The following TMEM237 variants were observed in gnomAD, a reference collection of about 807,000 sequenced individuals.
TMEM237 encodes transmembrane protein 237, also known as amyotrophic lateral sclerosis 2 (juvenile) chromosome region, candidate 4.
In TMEM237, 51 loss-of-function variants were observed where a neutral mutation model predicts 59.1. That is an observed-to-expected ratio of 0.86 (90% CI 0.69 to 1.09). The LOEUF is 1.09. Ranked by LOEUF, TMEM237 falls within the 50% of genes least tolerant of loss-of-function variation. The probability of loss-of-function intolerance (pLI) is 0.00; values close to 1 mark genes in which losing one functional copy is unlikely to be tolerated. For missense variants in TMEM237, 475 were observed against 478.3 expected (o/e 0.99, Z 0.06); for synonymous variants, 140 against 166.1 (o/e 0.84, Z 1.21).
At position 201,625,999 on chromosome 2, in the gene TMEM237, T is replaced by A. The variant is rs755985117; in HGVS notation, c.1159+27A>T. On this transcript the variant is annotated intron_variant, in intron 12 of 12. Coordinates refer to ENST00000409883, the MANE Select transcript of TMEM237 (RefSeq NM_001044385.3). ...ACCATTATAGAAGATTTCAGGATAT[T>A]CTTATGCTATTTTTTTTCTTTAATA... 3.2e-6 allele frequency: 5 copies of A among 1,552,686 alleles called. No homozygotes were observed. In the South Asian group the frequency reaches 6.0e-5, roughly 19 times the overall value.
chr2:201,625,961 G>T, intron 12 of TMEM237, 65 bp downstream of exon 12: 2 of 1,456,196 alleles, frequency 1.4e-6, no homozygotes, highest in Non-Finnish European at 1.9e-6. Flanking sequence ...CCTATTAAAA[G>T]GAGGTTTATA....
chr2:201,643,352 C>A lies in TMEM237; in HGVS notation c.42+7G>T, dbSNP rs1289460476. 6.5e-6 allele frequency: 10 copies of A among 1,547,046 alleles called. No homozygotes were observed. The South Asian group carries it at 1.2e-4, about 18-fold the overall frequency. On this transcript the variant is annotated splice_region_variant and intron_variant, in intron 1 of 12. Coordinates refer to ENST00000409883, the MANE Select transcript of TMEM237 (RefSeq NM_001044385.3). The surrounding 1 kb of genome is among the most constrained non-coding windows in gnomAD (Gnocchi z 4.3). ...CTCTCGAGGCCGACGCGCCCCTCGC[C>A]GCTCACCAGGTGGCCCTCCTCCAGC...
In TMEM237 at chr2:201,643,386, C is replaced by G. The variant is rs879874108; in HGVS notation, c.15G>C (p.Ser5=). ...GGTGGCCCTCCTCCAGCCGAGCCCC[C>G]GAGTCAGTCCTCATGGTGCTCTCCC... The part of the protein sequence containing the change: MRTD[S]GARLEEGHLR... Residue 5 remains serine, a synonymous_variant, in exon 1 of 13, where the codon TCG becomes TCC. Transcript: ENST00000409883. The surrounding 1 kb of genome is among the most constrained non-coding windows in gnomAD (Gnocchi z 4.3). 2.2e-5 allele frequency: 34 copies of G among 1,545,492 alleles called. No homozygotes were observed. In the Admixed American group the frequency reaches 4.7e-4, roughly 21 times the overall value.
intron 4 of TMEM237, among the ~76,000 whole-genome samples, chr2:201,638,091 T>C (rs558181022): frequency 7.9e-5 from 12 of 152,314 alleles, no homozygotes; most frequent in African/African-American, 1.4e-4. Context: ...AACTGCAACA[T>C]TGTTGGAGTG....
Position 201,641,050 on chromosome 2 carries a change from G to A in TMEM237, c.43-126C>T, listed in dbSNP as rs146819294. ...TGTGTGGCCCAGGCTGGAGTGCAAC[G>A]GCACGATCTTGGCTCACTGCAGCTT... On this transcript the variant is annotated intron_variant, in intron 1 of 12. Transcript: ENST00000409883. 9.3e-4 allele frequency: 679 copies of A among 729,642 alleles called. 10 individuals are homozygous for A. The African/African-American group carries it at 0.011, about 12-fold the overall frequency. The allele number at this position is 729,642 out of a possible 1,614,324, so 45.2% of individuals were successfully genotyped here. A position where few individuals can be genotyped will look rare whatever the true frequency, so the allele number is the denominator to read the frequency against.
At chr2:201,628,757 G>A (rs1471915211) in intron 9 of TMEM237, among the ~76,000 whole-genome samples, 1 of 152,194 alleles carries the variant, frequency 6.6e-6, no homozygotes, top group Non-Finnish European at 1.5e-5. Flanking sequence ...CCACTGAAGT[G>A]AGGGGAAGGT....
rs80034299 is a variant in TMEM237 at position 201,632,050 on chromosome 2, C to T, written c.553+1G>A. The T allele has an allele frequency of 3.1e-5, 50 of 1,613,578 alleles. No individual in the cohort carries two copies. Among genetic ancestry groups the T allele is most frequent in the Non-Finnish European group, 3.8e-5 (45 of 1,179,670 alleles). Reference sequence around the variant, plus strand: ...TATTCTAAAACAAGGCATCTACTTACGGCTTTTTTCCACAAATACTTTGCC... The same window carrying T: ...TATTCTAAAACAAGGCATCTACTTATGGCTTTTTTCCACAAATACTTTGCC... On this transcript the variant is annotated splice_donor_variant, in intron 7 of 12. Coordinates refer to ENST00000409883, the MANE Select transcript of TMEM237 (RefSeq NM_001044385.3). LOFTEE classifies it high-confidence loss of function.
rs201208507 is a variant in TMEM237, at chr2:201,632,046, C to T, written c.553+5G>A. The T allele has an allele frequency of 1.2e-6, 2 of 1,613,652 alleles. No homozygotes were observed. Among genetic ancestry groups the T allele is most frequent in the East Asian group, 4.5e-5 (2 of 44,876 alleles). The stretch of plus-strand genomic sequence containing the variant: ...TTCATATTCTAAAACAAGGCATCTA[C>T]TTACGGCTTTTTTCCACAAATACTT... On this transcript the variant is annotated splice_donor_5th_base_variant and intron_variant, in intron 7 of 12. Transcript: ENST00000409883.
At chr2:201,627,961 G>T in intron 10 of TMEM237, 115 bp downstream of exon 10, 4 of 604,510 alleles carry the variant, frequency 6.6e-6, no homozygotes, top group East Asian at 2.9e-5. Flanking sequence ...ACATCTATAG[G>T]TAATGTTTAT....
chr2:201,639,669 G>A (rs1356712236), intron 3 of TMEM237, among the ~76,000 whole-genome samples: 2 of 152,142 alleles, frequency 1.3e-5, no homozygotes, highest in Non-Finnish European at 1.5e-5. Context: ...GGTGGCACAC[G>A]CCTGTAATCC....
rs1178765964 is a variant in TMEM237 at position 201,622,446 on chromosome 2, A to C, written c.*1809T>G. The stretch of plus-strand genomic sequence containing the variant: ...ATTTGTTTCCTTGCTCATTTGGGAT[A>C]CTCATAGAACTCAGTTCCTTGTGGT... On this transcript the variant is annotated 3_prime_UTR_variant, in exon 13 of 13. Transcript: ENST00000409883. The C allele has an allele frequency of 2.0e-5, 3 of 152,190 alleles. No homozygotes were observed. Among genetic ancestry groups the C allele is most frequent in the Non-Finnish European group, 4.4e-5 (3 of 68,070 alleles). The allele number at this position is 152,190 out of a possible 1,614,324, so 9.4% of individuals were successfully genotyped here.
chr2:201,642,568 A>G, intron 1 of TMEM237: 1 of 1,599,190 alleles, frequency 6.3e-7, no homozygotes, highest in Admixed American at 1.8e-5. Flanking sequence ...TCAACTGAAG[A>G]CAAAAATCCT....
At chr2:201,631,281 A>G (rs890712166) in intron 7 of TMEM237, 13 of 152,156 alleles carry the variant, frequency 8.5e-5, no homozygotes, top group African/African-American at 3.1e-4. Context: ...CTTCTCCAGT[A>G]ACCTAATCTG....
intron 1 of TMEM237, 121 bp from the exon 2 acceptor site, chr2:201,641,045 G>A: frequency 2.6e-6 from 2 of 759,210 alleles, no homozygotes; most frequent in Non-Finnish European, 4.1e-6. Context: ...AGGCTGGAGT[G>A]CAACGGCACG....
At chr2:201,625,961 G>A (rs1465631631) in intron 12 of TMEM237, 65 bp downstream of exon 12, 11 of 1,456,196 alleles carry the variant, frequency 7.6e-6, no homozygotes, top group African/African-American at 1.4e-5. Context: ...CCTATTAAAA[G>A]GAGGTTTATA....
intron 10 of TMEM237, 45 bp from the exon 11 acceptor site, chr2:201,627,459 G>A: frequency 7.9e-7 from 1 of 1,272,458 alleles, no homozygotes; most frequent in Non-Finnish European, 1.1e-6. Flanking sequence ...TTAACAACCT[G>A]GTTTATTTTG....
Position 201,620,735 on chromosome 2 carries a change from G to C in TMEM237, c.*3520C>G, listed in dbSNP as rs1957695144. 1 of 152,178 alleles carries C rather than the reference G, an allele frequency of 6.6e-6. No homozygotes were observed. The highest frequency in any genetic ancestry group is 1.5e-5 in the Non-Finnish European group (1 of 68,044). The allele number at this position is 152,178 out of a possible 1,614,324, so 9.4% of individuals were successfully genotyped here. A position where few individuals can be genotyped will look rare whatever the true frequency, so the allele number is the denominator to read the frequency against. On this transcript the variant is annotated 3_prime_UTR_variant, in exon 13 of 13. Coordinates refer to ENST00000409883, the MANE Select transcript of TMEM237 (RefSeq NM_001044385.3). Reference sequence around the variant, plus strand: ...TTTGTGCAAGGTGTGGTTTTGTGCAGTCTTTTAATGATAGTCCTCATTATC... The same window carrying C: ...TTTGTGCAAGGTGTGGTTTTGTGCACTCTTTTAATGATAGTCCTCATTATC...
At chr2:201,642,489 A>G (rs1687444794) in intron 1 of TMEM237, 2 of 1,202,084 alleles carry the variant, frequency 1.7e-6, no homozygotes, top group African/African-American at 1.6e-5. Flanking sequence ...AACTGATTTC[A>G]AAAGTCCCGC....
chr2:201,632,314 T>G (rs1957815080), intron 6 of TMEM237, 106 bp from the exon 7 acceptor site: 1 of 1,250,718 alleles, frequency 8.0e-7, no homozygotes. Context: ...GGACTTGGAG[T>G]TAAGAAATGT....
Sources: allele counts gnomAD v4.1 joint callset (sites outside exome capture counted in the v4.1 genomes callset), GRCh38; gene constraint gnomAD v4.1.1; non-coding constraint Gnocchi (gnomAD v3.1); transcripts MANE v1.5; gene names NCBI Gene and HGNC (gene_info 2026-07-23, HGNC 2026-07-21).